SHROOM3: variants seen among roughly 807,000 people sequenced by gnomAD.
The protein encoded by SHROOM3 is protein Shroom3.
Under a neutral mutation model 138.6 loss-of-function variants are expected in SHROOM3, and 47 were observed. The ratio of observed to expected loss-of-function variants is 0.34; its 90% CI spans 0.27 to 0.43. The LOEUF (loss-of-function observed/expected upper bound fraction) is 0.43. Ranked by LOEUF, SHROOM3 falls within the 20% of genes least tolerant of loss-of-function variation. The pLI, the probability that SHROOM3 is intolerant of heterozygous loss-of-function variation, is 1.00. For synonymous variants in SHROOM3, 1,062 were observed against 1,063.3 expected, an observed-to-expected ratio of 1.00 and a Z score of 0.02; for missense variants, 2,491 against 2,596.5, an observed-to-expected ratio of 0.96 and a Z score of 0.88.
Position 76,770,713 on chromosome 4 carries a change from G to A in SHROOM3, c.5437G>A (p.Ala1813Thr), listed in dbSNP as rs775459440. The change falls in exon 10 of 11, where the codon GCC becomes ACC. Residue 1813 changes from alanine to threonine, a missense_variant. By Grantham distance (58) the Ala-to-Thr change is moderately conservative. This residue lies in a region of SHROOM3 where 470 missense variants were observed against 595.0 expected (regional missense o/e 0.79). Coordinates refer to ENST00000296043, the MANE Select transcript of SHROOM3 (RefSeq NM_020859.4). ...GCTCACGGACATCAAGCTCAACAAC[G>A]CCCTGGGAGAAGAGGTGGAGGCTCT... The part of the protein sequence containing the change: ...SLLTDIKLNN[A>T]LGEEVEALIS... 107 of 1,614,082 alleles carry A rather than the reference G, an allele frequency of 6.6e-5. 1 individual carries two copies. The East Asian group carries it at 1.4e-3, about 22-fold the overall frequency.
intron 2 of SHROOM3, among the ~76,000 whole-genome samples, chr4:76,663,882 A>G (rs901645026): frequency 1.3e-5 from 2 of 152,300 alleles, no homozygotes; most frequent in South Asian, 2.1e-4. Flanking sequence ...CATAGTTCCA[A>G]CTGGTTCACT....
intron 2 of SHROOM3, among the ~76,000 whole-genome samples, chr4:76,567,464 C>T (rs549444836): frequency 1.3e-5 from 2 of 152,232 alleles, no homozygotes; most frequent in African/African-American, 4.8e-5. Context: ...TCCTGGCTAA[C>T]ACGATAAAAC....
At chr4:76,681,408 A>C (rs530830192) in intron 2 of SHROOM3, among the ~76,000 whole-genome samples, 1 of 152,116 alleles carries the variant, frequency 6.6e-6, no homozygotes, top group African/African-American at 2.4e-5. Context: ...GCTGGGTACA[A>C]ATATTGAACC....
chr4:76,639,663 C>T, intron 2 of SHROOM3: 1 of 398,438 alleles, frequency 2.5e-6, no homozygotes, highest in Non-Finnish European at 4.4e-6. Flanking sequence ...GCTTCATGGG[C>T]CTGTGTTTCC....
chr4:76,678,454 A>C (rs772424332), intron 2 of SHROOM3, among the ~76,000 whole-genome samples: 1 of 152,102 alleles, frequency 6.6e-6, no homozygotes, highest in East Asian at 1.9e-4. Context: ...TTTATTTTTC[A>C]TGGCACTTTG....
chr4:76,609,306 T>C (rs1279028477), intron 2 of SHROOM3, among the ~76,000 whole-genome samples: 3 of 152,312 alleles, frequency 2.0e-5, no homozygotes, highest in Non-Finnish European at 4.4e-5. Context: ...TTGTTTGTTT[T>C]GGAGACAGGA....
rs139152585 is a variant in SHROOM3, at chr4:76,477,460, A to G, written c.168+41240A>G. 5.8e-3 allele frequency among the ~76,000 whole-genome samples: 882 copies of G among 152,332 alleles called. 6 individuals carry two copies. Among genetic ancestry groups the G allele is most frequent in the African/African-American group, 0.02 (837 of 41,576 alleles). ...CTTTCTGTTTTTGCCTGAATTGCCC[A>G]GATGCTCAAAGCCATTCATAATGTT... is the stretch of plus-strand genomic sequence containing the variant. On this transcript the variant is annotated intron_variant, in intron 1 of 10. Coordinates refer to ENST00000296043, the MANE Select transcript of SHROOM3 (RefSeq NM_020859.4).
chr4:76,485,826 C>T (rs975334384), intron 1 of SHROOM3, among the ~76,000 whole-genome samples: 1 of 152,094 alleles, frequency 6.6e-6, no homozygotes, highest in Non-Finnish European at 1.5e-5. Context: ...TTATGTCTTG[C>T]ACATCTGAAA....
intron 2 of SHROOM3, among the ~76,000 whole-genome samples, chr4:76,563,787 G>T (rs1444120655): frequency 6.6e-6 from 1 of 152,302 alleles, no homozygotes; most frequent in African/African-American, 2.4e-5. Flanking sequence ...GTGCATAAAA[G>T]TGTGGCTTCC....
intron 2 of SHROOM3, among the ~76,000 whole-genome samples, chr4:76,643,001 G>A (rs1437452247): frequency 6.6e-6 from 1 of 152,074 alleles, no homozygotes; most frequent in East Asian, 1.9e-4. Flanking sequence ...GAGGTAGGGA[G>A]TTCAAGACCA....
chr4:76,525,843 C>T lies in SHROOM3; in HGVS notation c.169-29766C>T, dbSNP rs1015755339. ...CCAATCCTCTGTTATTCAGCACGGG[C>T]ATTTTCCCCACATGTCACATTCAAA... On this transcript the variant is annotated intron_variant, in intron 1 of 10. Transcript: ENST00000296043. Among the ~76,000 whole-genome samples, 5 of 152,132 alleles carry T rather than the reference C, an allele frequency of 3.3e-5. No homozygotes were observed. The South Asian group carries it at 6.2e-4, about 19-fold the overall frequency.
chr4:76,634,724 C>G (rs980153840), intron 2 of SHROOM3, among the ~76,000 whole-genome samples: 1 of 152,080 alleles, frequency 6.6e-6, no homozygotes, highest in Non-Finnish European at 1.5e-5. Context: ...TATGTATTCA[C>G]TTGTTCTTTG....
At chr4:76,667,966 C>CAAAAAAAAAAAA (rs747974205) in intron 2 of SHROOM3, among the ~76,000 whole-genome samples, 1,131 of 62,514 alleles carry the variant, frequency 0.018, 83 homozygotes, top group Non-Finnish European at 0.022. Context: ...GACTCCCTCT[C>CAAAAAAAAAAAA]AAAAAAAAAA....
At position 76,471,298 on chromosome 4, in the gene SHROOM3, C is replaced by T. The variant is rs1164711983; in HGVS notation, c.168+35078C>T. Reference sequence around the variant, plus strand: ...TCACTCTGTCGCCCAGGCTGGAGTGCAGTGGCGTGATCTTGGCTCACTACA... The same window carrying T: ...TCACTCTGTCGCCCAGGCTGGAGTGTAGTGGCGTGATCTTGGCTCACTACA... On this transcript the variant is annotated intron_variant, in intron 1 of 10. Coordinates refer to ENST00000296043, the MANE Select transcript of SHROOM3 (RefSeq NM_020859.4). Among the ~76,000 whole-genome samples the T allele has an allele frequency of 1.1e-4, 17 of 149,068 alleles. 1 individual carries two copies. The highest frequency in any genetic ancestry group is 1.5e-5 in the Non-Finnish European group (1 of 67,664).
intron 2 of SHROOM3, among the ~76,000 whole-genome samples, chr4:76,588,894 A>C (rs1291382304): frequency 2.3e-5 from 3 of 128,366 alleles, no homozygotes; most frequent in Non-Finnish European, 5.0e-5. Flanking sequence ...AGAAAACAAA[A>C]AATAAACAAA....
At chr4:76,517,123 A>G (rs1364226977) in intron 1 of SHROOM3, among the ~76,000 whole-genome samples, 1 of 152,222 alleles carries the variant, frequency 6.6e-6, no homozygotes, top group Non-Finnish European at 1.5e-5. Flanking sequence ...GTTTCTTCTC[A>G]GTGACAACTG....
At chr4:76,656,189 G>A (rs1415055590) in intron 2 of SHROOM3, among the ~76,000 whole-genome samples, 1 of 152,126 alleles carries the variant, frequency 6.6e-6, no homozygotes, top group Admixed American at 6.5e-5. Context: ...TATTTTTAGT[G>A]TATTTGTGGT....
At chr4:76,508,241 A>T (rs182844239) in intron 1 of SHROOM3, among the ~76,000 whole-genome samples, 7 of 152,206 alleles carry the variant, frequency 4.6e-5, no homozygotes, top group Admixed American at 1.3e-4. Context: ...CTATGGTATG[A>T]GCTAAGGGTC....
intron 5 of SHROOM3, among the ~76,000 whole-genome samples, chr4:76,747,334 C>G (rs1721472955): frequency 6.6e-6 from 1 of 151,832 alleles, no homozygotes; most frequent in African/African-American, 2.4e-5. Context: ...AATATATGCT[C>G]AAAGCAAGAA....
Sources: gnomAD v4.1 joint callset for allele counts (sites outside exome capture counted in the v4.1 genomes callset) on GRCh38, gnomAD v4.1.1 for gene constraint, gnomAD v4.1.1 regional missense constraint, MANE v1.5 for transcripts, NCBI Gene and HGNC (gene_info 2026-07-23, HGNC 2026-07-21) for gene names.